The following ASH1L variants were observed in gnomAD, a reference collection of about 807,000 sequenced individuals.
The protein encoded by ASH1L is ASH1 like histone lysine methyltransferase.
A neutral mutation model predicts 269.0 loss-of-function variants in ASH1L; 23 were observed. The observed-to-expected ratio is 0.09, with a 90% CI of 0.06 to 0.12. The LOEUF is 0.12. ASH1L is among the 10% of genes least tolerant of loss of function. ASH1L has a pLI of 1.00. For synonymous variants in ASH1L, 1,187 were observed against 1,253.5 expected (o/e 0.95, Z 1.12); for missense variants, 2,912 against 3,567.8 (o/e 0.82, Z 4.68).
chr1:155,481,198 G>C lies in ASH1L; in HGVS notation c.1672C>G (p.Pro558Ala). 2 of 1,614,042 alleles carry C rather than the reference G, an allele frequency of 1.2e-6. No homozygotes were observed. The highest frequency in any genetic ancestry group is 1.7e-6 in the Non-Finnish European group (2 of 1,179,982). The change falls in exon 3 of 28, where the codon CCA becomes GCA. Residue 558 changes from proline to alanine, a missense_variant. Pro to Ala is a conservative substitution (Grantham distance 27, BLOSUM62 -1). This residue lies in a region of ASH1L where 715 missense variants were observed against 721.0 expected (regional missense o/e 0.99). Coordinates refer to ENST00000392403, the MANE Select transcript of ASH1L (RefSeq NM_018489.3). ...SAVGESNLPS[P>A]SPTVSVNPLT... ...GGATTAACAGATACAGTAGGTGATG[G>C]GGAAGGGAGATTGCTTTCTCCTACT... is the stretch of plus-strand genomic sequence containing the variant.
intron 4 of ASH1L, among the ~76,000 whole-genome samples, chr1:155,446,645 G>A (rs61812087): frequency 8.9e-5 from 12 of 135,370 alleles, no homozygotes; most frequent in Admixed American, 2.4e-4. Context: ...TTTTTGAGAC[G>A]GAGTCTCGCT....
At chr1:155,412,547 A>AT (rs1228782385) in intron 6 of ASH1L, among the ~76,000 whole-genome samples, 1 of 152,220 alleles carries the variant, frequency 6.6e-6, no homozygotes, top group Non-Finnish European at 1.5e-5. Flanking sequence ...CTTCCCCAGT[A>AT]TATGTCTTCA....
chr1:155,465,371 C>T (rs1444641136), intron 3 of ASH1L, among the ~76,000 whole-genome samples: 2 of 148,568 alleles, frequency 1.3e-5, no homozygotes, highest in African/African-American at 5.0e-5. Flanking sequence ...CCTAAGTTCA[C>T]TATTAAAGCT....
chr1:155,402,954 G>C (rs1431269881), intron 6 of ASH1L, among the ~76,000 whole-genome samples: 5 of 150,496 alleles, frequency 3.3e-5, no homozygotes, highest in Non-Finnish European at 5.9e-5. Flanking sequence ...GAGGTGGGTG[G>C]ATCACCTAAG....
Position 155,478,953 on chromosome 1 carries a change from C to G in ASH1L, c.3917G>C (p.Arg1306Pro), listed in dbSNP as rs758885213. ...ATCTCGGGGGATAAAATGATGACTT[C>G]GATGAGTGATCCGAATTTCACTTAG... ...SRLSEIRITHRSHHFIPRDLL... is the reference protein window; with the variant it reads ...SRLSEIRITHPSHHFIPRDLL... The change falls in exon 3 of 28, where the codon CGA (arginine) becomes CCA (proline). Residue 1306 changes from arginine (R) to proline (P), a missense_variant. By Grantham distance (103) the Arg-to-Pro change is moderately radical. Coordinates refer to ENST00000392403, the MANE Select transcript of ASH1L (RefSeq NM_018489.3). The surrounding 1 kb of genome is among the most constrained non-coding windows in gnomAD (Gnocchi z 4.6). 15 of 1,613,428 alleles carry G rather than the reference C, an allele frequency of 9.3e-6. No homozygotes were observed. The highest frequency in any genetic ancestry group is 1.3e-5 in the Non-Finnish European group (15 of 1,179,988).
chr1:155,557,294 G>A (rs552232005), intron 1 of ASH1L, among the ~76,000 whole-genome samples: 11 of 151,162 alleles, frequency 7.3e-5, no homozygotes, highest in African/African-American at 1.9e-4. Flanking sequence ...ACAGAGTCTC[G>A]CTCTGTCACC....
chr1:155,374,025 T>C (rs1421144845), intron 10 of ASH1L, among the ~76,000 whole-genome samples: 2 of 152,212 alleles, frequency 1.3e-5, no homozygotes, highest in Admixed American at 6.5e-5. Context: ...TATCATGTTA[T>C]ATTTATAATA....
At chr1:155,537,370 C>T (rs537328416) in intron 1 of ASH1L, among the ~76,000 whole-genome samples, 119 of 152,300 alleles carry the variant, frequency 7.8e-4, no homozygotes, top group Non-Finnish European at 1.4e-3. Flanking sequence ...TCCTACTAGG[C>T]GCCATACACT....
intron 2 of ASH1L, among the ~76,000 whole-genome samples, chr1:155,509,803 GATAATA>G (rs552179671): frequency 2.6e-5 from 4 of 151,106 alleles, no homozygotes; most frequent in East Asian, 2.0e-4. Flanking sequence ...CATCTCAAAT[GATAATA>G]ATAATAATAA....
At chr1:155,406,143 G>GC (rs1659268865) in intron 6 of ASH1L, among the ~76,000 whole-genome samples, 2 of 149,844 alleles carry the variant, frequency 1.3e-5, no homozygotes, top group African/African-American at 4.9e-5. Context: ...GGCGAAGGTT[G>GC]CAGTGAGCTA....
At chr1:155,401,519 C>T (rs930570033) in intron 6 of ASH1L, among the ~76,000 whole-genome samples, 30 of 151,044 alleles carry the variant, frequency 2.0e-4, no homozygotes, top group African/African-American at 6.6e-4. Context: ...CGGTGGCTCA[C>T]GCCTGTAATC....
intron 15 of ASH1L, among the ~76,000 whole-genome samples, 196 bp downstream of exon 15, chr1:155,357,120 A>ACAC: frequency 1.5e-5 from 1 of 68,612 alleles, no homozygotes; most frequent in Non-Finnish European, 3.3e-5. Context: ...CACACACACA[A>ACAC]AAGGGTAAGA....
At chr1:155,466,307 T>C (rs1341540730) in intron 3 of ASH1L, among the ~76,000 whole-genome samples, 3 of 152,088 alleles carry the variant, frequency 2.0e-5, no homozygotes, top group South Asian at 2.1e-4. Flanking sequence ...TAAGCCAAGA[T>C]AGCACCACTG....
intron 3 of ASH1L, among the ~76,000 whole-genome samples, chr1:155,474,782 C>T (rs892419752): frequency 2.0e-5 from 3 of 152,182 alleles, no homozygotes; most frequent in Admixed American, 6.5e-5. Flanking sequence ...ATGTTATCTC[C>T]AATCTCCCAT....
chr1:155,357,652 A>C lies in ASH1L; in HGVS notation c.6893T>G (p.Met2298Arg). 6.2e-7 allele frequency: 1 copy of C among 1,614,126 alleles called. No individual in the cohort carries two copies. Among genetic ancestry groups the C allele is most frequent in the Non-Finnish European group, 8.5e-7 (1 of 1,180,022 alleles). ...GLTSSKNSQP[M>R]ATHKKSGRSK... is the part of the protein sequence containing the mutation. ...CCGTCCAGATTTTTTGTGTGTGGCCATGGGCTGGCTGTTTTTGCTGCTGGT... is the reference window on the plus strand; with the variant it reads ...CCGTCCAGATTTTTTGTGTGTGGCCCTGGGCTGGCTGTTTTTGCTGCTGGT... Residue 2298 changes from methionine (M) to arginine (R), a missense_variant, in exon 14 of 28, where the codon ATG becomes AGG. By Grantham distance (91) the Met-to-Arg change is moderately conservative. This residue lies in a region of ASH1L where 309 missense variants were observed against 435.1 expected (regional missense o/e 0.71). Coordinates refer to ENST00000392403, the MANE Select transcript of ASH1L (RefSeq NM_018489.3).
At chr1:155,467,884 T>C (rs1485004704) in intron 3 of ASH1L, among the ~76,000 whole-genome samples, 1 of 152,182 alleles carries the variant, frequency 6.6e-6, no homozygotes, top group Non-Finnish European at 1.5e-5. Context: ...AATTCAGATT[T>C]ACATAAAAGT....
rs867398018 is a variant in ASH1L, at chr1:155,401,795, G to A, written c.6009-6242C>T. Among the ~76,000 whole-genome samples, 88 of 137,590 alleles carry A rather than the reference G, an allele frequency of 6.4e-4. 1 individual carries two copies. Among genetic ancestry groups the A allele is most frequent in the African/African-American group, 2.3e-3 (84 of 36,456 alleles). The allele number at this position is 137,590 out of a possible 152,430, so 90.3% of individuals were successfully genotyped here. ...AGAGTGAGACTCTAAGAAAAAAAAA[G>A]AGCATACTGGCTTCCGGGAACAGTG... On this transcript the variant is annotated intron_variant, in intron 6 of 27. Coordinates refer to ENST00000392403, the MANE Select transcript of ASH1L (RefSeq NM_018489.3).
chr1:155,562,878 G>GGCCGCCGCC (rs760485253), upstream of ASH1L: 7 of 321,748 alleles, frequency 2.2e-5, no homozygotes, highest in East Asian at 1.5e-4. Context: ...CCGCCGCCAC[G>GGCCGCCGCC]GCCGCCGCCG....
At chr1:155,374,159 T>C (rs938571959) in intron 10 of ASH1L, among the ~76,000 whole-genome samples, 5 of 152,010 alleles carry the variant, frequency 3.3e-5, no homozygotes, top group African/African-American at 1.2e-4. Context: ...CGAAACCTCG[T>C]CTCTATTAAA....
Sources: allele counts gnomAD v4.1 joint callset (sites outside exome capture counted in the v4.1 genomes callset), GRCh38; gene constraint gnomAD v4.1.1; regional missense constraint gnomAD v4.1.1; non-coding constraint Gnocchi (gnomAD v3.1); transcripts MANE v1.5; gene names NCBI Gene and HGNC (gene_info 2026-07-23, HGNC 2026-07-21).